The following PPARGC1A variants were observed in gnomAD, a reference collection of about 807,000 sequenced individuals.
PPARGC1A encodes the protein peroxisome proliferator-activated receptor gamma coactivator 1-alpha.
Under a neutral mutation model 88.7 loss-of-function variants are expected in PPARGC1A, and 25 were observed. The ratio of observed to expected loss-of-function variants is 0.28; its 90% confidence interval spans 0.21 to 0.39. The LOEUF (loss-of-function observed/expected upper bound fraction) is 0.39. Ranked by LOEUF, PPARGC1A falls within the 10% of genes least tolerant of loss-of-function variation. PPARGC1A has a pLI of 1.00. For missense variants in PPARGC1A, 880 were observed against 968.7 expected, an observed-to-expected ratio of 0.91 and a Z score of 1.22; for synonymous variants, 363 against 355.6, an observed-to-expected ratio of 1.02 and a Z score of -0.24.
chr4:24,362,649 TA>T, the PPARGC1A span, among the ~76,000 whole-genome samples: 1 of 152,208 alleles, frequency 6.6e-6, no homozygotes, highest in Non-Finnish European at 1.5e-5. Context: ...ATGAGATATT[TA>T]CCTCTAACTT....
chr4:24,215,864 A>C, the PPARGC1A span, among the ~76,000 whole-genome samples: 1 of 152,190 alleles, frequency 6.6e-6, no homozygotes, highest in Non-Finnish European at 1.5e-5. Context: ...GTGCTCTCCT[A>C]TAGAGAGGGC....
intron 9 of PPARGC1A, 45 bp from the exon 10 acceptor site, chr4:23,812,912 A>C: frequency 6.2e-7 from 1 of 1,613,622 alleles, no homozygotes; most frequent in Non-Finnish European, 8.5e-7. Flanking sequence ...CTCAATTTTC[A>C]TGAGCAAAAT....
At chr4:24,067,400 T>A in the PPARGC1A span, among the ~76,000 whole-genome samples, 1 of 152,096 alleles carries the variant, frequency 6.6e-6, no homozygotes, top group East Asian at 1.9e-4. Flanking sequence ...TACACAGACA[T>A]CAAAATGCCC....
At chr4:24,039,777 GT>G in the PPARGC1A span, among the ~76,000 whole-genome samples, 1 of 152,142 alleles carries the variant, frequency 6.6e-6, no homozygotes, top group Non-Finnish European at 1.5e-5. Context: ...ATAGAAGTAT[GT>G]TCTCCAAAAT....
intron 12 of PPARGC1A, among the ~76,000 whole-genome samples, chr4:23,796,747 A>C (rs182486419): frequency 5.2e-4 from 79 of 152,228 alleles, no homozygotes; most frequent in Non-Finnish European, 1.1e-3. Flanking sequence ...GCAAGTAACA[A>C]AGGGGGGCTT....
At chr4:24,214,466 T>A in the PPARGC1A span, among the ~76,000 whole-genome samples, 1 of 152,020 alleles carries the variant, frequency 6.6e-6, no homozygotes, top group African/African-American at 2.4e-5. Flanking sequence ...TCTAAAAAGG[T>A]CTTGGGAAGA....
At chr4:24,017,295 G>C in the PPARGC1A span, among the ~76,000 whole-genome samples, 1 of 152,176 alleles carries the variant, frequency 6.6e-6, no homozygotes, top group Non-Finnish European at 1.5e-5. Flanking sequence ...CAGTAGAACA[G>C]AAAATATGAA....
intron 2 of PPARGC1A, among the ~76,000 whole-genome samples, chr4:23,844,092 T>C (rs1727550106): frequency 6.6e-6 from 1 of 151,178 alleles, no homozygotes; most frequent in African/African-American, 2.4e-5. Flanking sequence ...GGAACTTGCA[T>C]TTTAGTTTGG....
the PPARGC1A span, among the ~76,000 whole-genome samples, chr4:23,974,151 G>A: frequency 2.0e-5 from 3 of 152,056 alleles, no homozygotes; most frequent in African/African-American, 7.2e-5. Flanking sequence ...AATATTTATT[G>A]AGAATCCAAT....
chr4:24,229,957 C>T, the PPARGC1A span, among the ~76,000 whole-genome samples: 1 of 152,192 alleles, frequency 6.6e-6, no homozygotes. Flanking sequence ...TCGCTGAAGG[C>T]ATTTTTGGAA....
chr4:24,394,455 T>C, the PPARGC1A span, among the ~76,000 whole-genome samples: 3 of 152,298 alleles, frequency 2.0e-5, no homozygotes, highest in South Asian at 2.1e-4. Context: ...CTTGAGGTGC[T>C]AAGAAGTCAT....
chr4:24,329,038 A>T, the PPARGC1A span, among the ~76,000 whole-genome samples: 1 of 152,244 alleles, frequency 6.6e-6, no homozygotes, highest in East Asian at 1.9e-4. Context: ...CCCAGCAAAC[A>T]GTTTATGTTG....
chr4:23,871,806 T>C (rs934099311), intron 2 of PPARGC1A, among the ~76,000 whole-genome samples: 1 of 152,132 alleles, frequency 6.6e-6, no homozygotes, highest in Non-Finnish European at 1.5e-5. Flanking sequence ...TTTTCCCCTA[T>C]ACAAGAGCCG....
At chr4:24,202,705 G>A in the PPARGC1A span, among the ~76,000 whole-genome samples, 1 of 152,176 alleles carries the variant, frequency 6.6e-6, no homozygotes, top group Non-Finnish European at 1.5e-5. Flanking sequence ...CAGAGAGCCA[G>A]CCCATTCATC....
chr4:23,817,926 C>A (rs1396534292), intron 7 of PPARGC1A, among the ~76,000 whole-genome samples: 1 of 152,140 alleles, frequency 6.6e-6, no homozygotes, highest in Admixed American at 6.6e-5. Context: ...TTAAACTTTT[C>A]AGAGCTGCTG....
At chr4:23,863,647 A>G (rs1325994330) in intron 2 of PPARGC1A, among the ~76,000 whole-genome samples, 2 of 152,156 alleles carry the variant, frequency 1.3e-5, no homozygotes, top group African/African-American at 2.4e-5. Flanking sequence ...TAGGTGATAA[A>G]TATGTGTTAA....
At chr4:23,933,985 T>A in the PPARGC1A span, among the ~76,000 whole-genome samples, 1 of 152,184 alleles carries the variant, frequency 6.6e-6, no homozygotes, top group African/African-American at 2.4e-5. Context: ...TACACTGGCA[T>A]AGGGGCTAAG....
At chr4:24,234,951 C>T in the PPARGC1A span, among the ~76,000 whole-genome samples, 2 of 152,184 alleles carry the variant, frequency 1.3e-5, no homozygotes, top group Non-Finnish European at 2.9e-5. Context: ...AATGGAGACA[C>T]GTTAGCCTCT....
chr4:24,203,886 A>G, the PPARGC1A span, among the ~76,000 whole-genome samples: 4 of 152,234 alleles, frequency 2.6e-5, no homozygotes, highest in African/African-American at 9.6e-5. Flanking sequence ...TGAAGTGTTC[A>G]TTTAAAAATG....
Sources: allele counts gnomAD v4.1 joint callset (sites outside exome capture counted in the v4.1 genomes callset), GRCh38; gene constraint gnomAD v4.1.1; transcripts MANE v1.5; gene names NCBI Gene and HGNC (gene_info 2026-07-23, HGNC 2026-07-21).